CLNK: variants seen among roughly 807,000 people sequenced by gnomAD.
The protein encoded by CLNK is cytokine-dependent hematopoietic cell linker.
Under a neutral mutation model 68.6 loss-of-function variants are expected in CLNK, and 74 were observed. That is an observed-to-expected ratio of 1.08 (90% confidence interval 0.89 to 1.31). CLNK has a LOEUF of 1.31. CLNK is among the 50% of genes most tolerant of loss of function. The pLI is 0.00. For synonymous variants in CLNK, 198 were observed against 172.2 expected (o/e 1.15, Z -1.17); for missense variants, 553 against 515.3 (o/e 1.07, Z -0.71).
At chr4:10,713,666 C>G in the CLNK span, among the ~76,000 whole-genome samples, 5 of 152,078 alleles carry the variant, frequency 3.3e-5, no homozygotes, top group Non-Finnish European at 7.4e-5. Context: ...GGAAATGGAT[C>G]CCTCATGGAT....
intron 4 of CLNK, among the ~76,000 whole-genome samples, chr4:10,583,826 A>G (rs1720874726): frequency 6.6e-6 from 1 of 152,158 alleles, no homozygotes. Flanking sequence ...GATGGGAGGA[A>G]GAGGATACAG....
At chr4:10,732,959 TGACATTTCATTTTAG>T in the CLNK span, among the ~76,000 whole-genome samples, 1 of 152,226 alleles carries the variant, frequency 6.6e-6, no homozygotes, top group Non-Finnish European at 1.5e-5. Context: ...GTAAAGGCTC[TGACATTTCATTTTAG>T]GAAATTTCTA....
intron 4 of CLNK, among the ~76,000 whole-genome samples, chr4:10,579,947 C>T (rs1329277314): frequency 6.6e-6 from 1 of 152,250 alleles, no homozygotes; most frequent in Non-Finnish European, 1.5e-5. Context: ...CCTCCTCCAG[C>T]CTCCTCCTAT....
At chr4:10,705,101 G>T in the CLNK span, among the ~76,000 whole-genome samples, 51 of 152,300 alleles carry the variant, frequency 3.3e-4, no homozygotes, top group Non-Finnish European at 5.7e-4. Flanking sequence ...AGAGTAGGAA[G>T]AATTTATCTG....
chr4:10,679,202 A>G (rs13416839), intron 1 of CLNK, among the ~76,000 whole-genome samples: 1 of 152,198 alleles, frequency 6.6e-6, no homozygotes, highest in African/African-American at 2.4e-5. Flanking sequence ...AGCCCTCAGA[A>G]ATAATGCCAC....
chr4:10,493,714 T>A (rs1370997876), intron 18 of CLNK, among the ~76,000 whole-genome samples: 1 of 152,106 alleles, frequency 6.6e-6, no homozygotes, highest in Non-Finnish European at 1.5e-5. Flanking sequence ...CTTTCCCCAT[T>A]GTCCAATGGG....
At chr4:10,531,540 G>A (rs1465202370) in intron 12 of CLNK, 8 of 285,662 alleles carry the variant, frequency 2.8e-5, no homozygotes, top group South Asian at 2.1e-4. Context: ...GGGTTCAAGC[G>A]ATTCTCCTTC....
chr4:10,543,937 G>T (rs1453510896), intron 8 of CLNK, among the ~76,000 whole-genome samples: 1 of 152,152 alleles, frequency 6.6e-6, no homozygotes, highest in Non-Finnish European at 1.5e-5. Flanking sequence ...TTAGATCTTT[G>T]ACTATTTCAA....
intron 4 of CLNK, among the ~76,000 whole-genome samples, chr4:10,572,530 T>G (rs765465885): frequency 2.6e-5 from 4 of 152,258 alleles, no homozygotes; most frequent in African/African-American, 4.8e-5. Flanking sequence ...TGTAGTTTCC[T>G]GCTATTAGCC....
chr4:10,552,891 T>G (rs960511784), intron 8 of CLNK, among the ~76,000 whole-genome samples: 3 of 152,212 alleles, frequency 2.0e-5, no homozygotes, highest in African/African-American at 7.2e-5. Flanking sequence ...TCTCTGTCCC[T>G]TCCATACAAG....
intron 1 of CLNK, among the ~76,000 whole-genome samples, chr4:10,678,301 G>A (rs10033332): frequency 0.36 from 54,151 of 151,850 alleles, 9,828 homozygotes; most frequent in East Asian, 0.46. Flanking sequence ...TGAAGACCAA[G>A]TAAGATGATG....
chr4:10,507,831 G>A lies in CLNK; in HGVS notation c.984+128C>T, dbSNP rs1717375235. 4.2e-6 allele frequency: 3 copies of A among 706,586 alleles called. No individual in the cohort carries two copies. The East Asian group carries it at 8.3e-5, about 19-fold the overall frequency. 43.8% of individuals were successfully genotyped at this position (706,586 alleles called of 1,614,324 possible). A position where few individuals can be genotyped will look rare whatever the true frequency, so the allele number is the denominator to read the frequency against. On this transcript the variant is annotated intron_variant, in intron 17 of 18. Coordinates refer to ENST00000226951, the MANE Select transcript of CLNK (RefSeq NM_052964.4). The stretch of plus-strand genomic sequence containing the variant: ...TTTTCGACTACAGCCTCCCAGCACT[G>A]AGAAATGCAGGGTGATGCAGGAAAT...
chr4:10,646,687 CT>C (rs1029827866), intron 2 of CLNK, among the ~76,000 whole-genome samples: 103 of 150,010 alleles, frequency 6.9e-4, no homozygotes, highest in African/African-American at 2.0e-3. Flanking sequence ...CTCACCTGCT[CT>C]TTTTTTTTTC....
chr4:10,719,105 C>T, the CLNK span, among the ~76,000 whole-genome samples: 1 of 151,872 alleles, frequency 6.6e-6, no homozygotes, highest in East Asian at 1.9e-4. Context: ...TTTTAAATAA[C>T]ACACAGGAAG....
intron 2 of CLNK, among the ~76,000 whole-genome samples, chr4:10,632,691 A>G (rs1409828629): frequency 6.6e-6 from 1 of 152,218 alleles, no homozygotes; most frequent in Non-Finnish European, 1.5e-5. Context: ...CTTTGTCTTC[A>G]AGAATGTTCT....
At chr4:10,600,395 G>A (rs1007876083) in intron 2 of CLNK, among the ~76,000 whole-genome samples, 1 of 152,132 alleles carries the variant, frequency 6.6e-6, no homozygotes, top group East Asian at 1.9e-4. Context: ...TTCCATACTA[G>A]GCAACGCACT....
intron 2 of CLNK, among the ~76,000 whole-genome samples, chr4:10,616,182 A>G (rs562833163): frequency 2.0e-5 from 3 of 152,364 alleles, no homozygotes; most frequent in Non-Finnish European, 4.4e-5. Flanking sequence ...TGGTGGAAAT[A>G]TGCTGCTGTT....
chr4:10,734,238 C>T, the CLNK span, among the ~76,000 whole-genome samples: 1 of 152,232 alleles, frequency 6.6e-6, no homozygotes, highest in South Asian at 2.1e-4. Flanking sequence ...ACCTGGGCTT[C>T]CTGACACCAA....
chr4:10,543,222 A>G (rs1719105621), intron 8 of CLNK, among the ~76,000 whole-genome samples: 1 of 152,204 alleles, frequency 6.6e-6, no homozygotes, highest in African/African-American at 2.4e-5. Flanking sequence ...TATTAAATGA[A>G]TATGTGGGAC....
Sources: allele counts gnomAD v4.1 joint callset (sites outside exome capture counted in the v4.1 genomes callset), GRCh38; gene constraint gnomAD v4.1.1; transcripts MANE v1.5; gene names NCBI Gene and HGNC (gene_info 2026-07-23, HGNC 2026-07-21).